RC3H1: variants seen among roughly 807,000 people sequenced by gnomAD.
RC3H1 encodes ring finger and CCCH-type domains 1, also known as roquin-1.
RC3H1 carries 50 observed loss-of-function variants against 138.2 expected under a neutral mutation model. The observed-to-expected ratio is 0.36, with a 90% CI of 0.29 to 0.46. The LOEUF (loss-of-function observed/expected upper bound fraction) is 0.46, where lower values mean the gene tolerates loss of function less well. Ranked by LOEUF, RC3H1 falls within the 20% of genes least tolerant of loss-of-function variation. The pLI is 1.00. For missense variants in RC3H1, 1,031 were observed against 1,388.1 expected, an observed-to-expected ratio of 0.74 and a Z score of 4.09; for synonymous variants, 462 against 489.1, an observed-to-expected ratio of 0.94 and a Z score of 0.73.
intron 1 of RC3H1, among the ~76,000 whole-genome samples, chr1:174,018,638 C>T (rs112430365): frequency 0.019 from 2,868 of 152,282 alleles, 109 homozygotes; most frequent in African/African-American, 0.066. Flanking sequence ...ATCTTGGAGA[C>T]GGTTCTGGGA....
At chr1:174,012,000 G>A (rs6688176) in intron 1 of RC3H1, among the ~76,000 whole-genome samples, 4 of 151,914 alleles carry the variant, frequency 2.6e-5, no homozygotes, top group Non-Finnish European at 5.9e-5. Context: ...AGCTTGAGCC[G>A]AGAAGTTCGA....
rs947799515 is a variant in RC3H1 at position 173,931,622 on chromosome 1, C to G, written c.*7099G>C. ...CTTGTTTTGAAAGCTGCTTAAAAAT[C>G]AGAAATATTAAACAGATTAAAAACA... On this transcript the variant is annotated 3_prime_UTR_variant, in exon 20 of 20. Transcript: ENST00000367696. 2.6e-5 allele frequency: 4 copies of G among 152,098 alleles called. No individual in the cohort carries two copies. The highest frequency in any genetic ancestry group is 7.2e-5 in the African/African-American group (3 of 41,406). The allele number at this position is 152,098 out of a possible 1,614,324, so 9.4% of individuals were successfully genotyped here. A position where few individuals can be genotyped will look rare whatever the true frequency, so the allele number is the denominator to read the frequency against.
At chr1:174,000,419 C>T (rs1254233057) in intron 1 of RC3H1, among the ~76,000 whole-genome samples, 1 of 152,180 alleles carries the variant, frequency 6.6e-6, no homozygotes, top group East Asian at 1.9e-4. Context: ...AGGCACTCCT[C>T]TGAGGCATTA....
At chr1:173,987,633 G>A (rs74989846) in intron 2 of RC3H1, among the ~76,000 whole-genome samples, 2 of 152,228 alleles carry the variant, frequency 1.3e-5, no homozygotes, top group East Asian at 3.9e-4. Context: ...TAGAAACCAA[G>A]ATATGAATGC....
rs184786158 is a variant in RC3H1, at chr1:173,938,844, T to C, written c.3279A>G (p.Thr1093=). The change falls in exon 20 of 20, where the codon ACA becomes ACG. Residue 1093 remains threonine, a synonymous_variant. Coordinates refer to ENST00000367696, the MANE Select transcript of RC3H1 (RefSeq NM_172071.4). ...FSDVPNGSAL[T]QENISLLSNK... The stretch of plus-strand genomic sequence containing the variant: ...TTGATAGGAGGCTGATATTCTCTTG[T>C]GTCAAGGCTGATCCATTTGGTACAT... 2 of 1,612,760 alleles carry C rather than the reference T, an allele frequency of 1.2e-6. No individual in the cohort carries two copies. The highest frequency in any genetic ancestry group is 2.7e-5 in the African/African-American group (2 of 75,006).
At position 173,946,710 on chromosome 1, in the gene RC3H1, C is replaced by A. The variant is rs201868966; in HGVS notation, c.2828+36G>T. 274 of 1,599,060 alleles carry A rather than the reference C, an allele frequency of 1.7e-4. 2 individuals carry two copies. In the South Asian group the frequency reaches 1.8e-3, roughly 10 times the overall value. On this transcript the variant is annotated intron_variant, in intron 16 of 19. Coordinates refer to ENST00000367696, the MANE Select transcript of RC3H1 (RefSeq NM_172071.4). ...AGAAGTTGCCTAATTTTAAAGGTTT[C>A]TACATGTTTGTTCAAGTAAAAAGAA...
At chr1:174,013,699 C>T (rs1049233044) in intron 1 of RC3H1, among the ~76,000 whole-genome samples, 23 of 152,034 alleles carry the variant, frequency 1.5e-4, no homozygotes, top group Middle Eastern at 3.4e-3. Context: ...TCCCAAAGTG[C>T]TGGGATTACA....
chr1:173,994,725 A>C (rs1364350648), intron 1 of RC3H1, among the ~76,000 whole-genome samples: 1 of 147,990 alleles, frequency 6.8e-6, no homozygotes, highest in East Asian at 2.1e-4. Flanking sequence ...TGAGCCCAGG[A>C]GTTTGAGGCT....
At chr1:173,995,941 A>G (rs556254118) in intron 1 of RC3H1, among the ~76,000 whole-genome samples, 1 of 152,370 alleles carries the variant, frequency 6.6e-6, no homozygotes, top group South Asian at 2.1e-4. Flanking sequence ...AAGATTTAAA[A>G]GACCAGAAAT....
chr1:173,983,998 T>C (rs1352626735), intron 3 of RC3H1, among the ~76,000 whole-genome samples: 1 of 152,212 alleles, frequency 6.6e-6, no homozygotes, highest in Non-Finnish European at 1.5e-5. Context: ...AGTTCTGGTA[T>C]ATTATTTGAC....
chr1:173,937,122 A>G lies in RC3H1; in HGVS notation c.*1599T>C, dbSNP rs1658637460. Reference sequence around the variant, plus strand: ...TGGGCAAATTAAATAATTGCTACTCAAAAGAGTGTTCTGTTTGGACTCTCC... The same window carrying G: ...TGGGCAAATTAAATAATTGCTACTCGAAAGAGTGTTCTGTTTGGACTCTCC... On this transcript the variant is annotated 3_prime_UTR_variant, in exon 20 of 20. Transcript: ENST00000367696. The G allele has an allele frequency of 6.6e-6, 1 of 152,432 alleles. No individual in the cohort carries two copies. The allele number at this position is 152,432 out of a possible 1,614,324, so 9.4% of individuals were successfully genotyped here. A position where few individuals can be genotyped will look rare whatever the true frequency, so the allele number is the denominator to read the frequency against.
chr1:173,962,285 T>C (rs544177097), intron 11 of RC3H1, among the ~76,000 whole-genome samples, 190 bp from the exon 12 acceptor site: 21 of 152,318 alleles, frequency 1.4e-4, no homozygotes, highest in Middle Eastern at 3.4e-3. Context: ...GTAAAAGTCA[T>C]TGAAAAAACT....
Position 173,964,105 on chromosome 1 carries a change from G to GAGC in RC3H1, c.1698_1699insGCT (p.Pro566_Pro567insAla). ...TGAAGTGGTTTGGTAACAGGCATTG[G>GAGC]AGGCAGATCTGCTGGCCCCCTTGGA... On this transcript the variant is annotated inframe_insertion, in exon 11 of 20. Coordinates refer to ENST00000367696, the MANE Select transcript of RC3H1 (RefSeq NM_172071.4). 6.2e-7 allele frequency: 1 copy of GAGC among 1,614,138 alleles called. No homozygotes were observed. The highest frequency in any genetic ancestry group is 1.1e-5 in the South Asian group (1 of 91,090).
chr1:174,018,974 A>C (rs1661911211), intron 1 of RC3H1, among the ~76,000 whole-genome samples: 1 of 152,238 alleles, frequency 6.6e-6, no homozygotes, highest in African/African-American at 2.4e-5. Context: ...CTATGGCTTA[A>C]AGAAAAAAAA....
intron 1 of RC3H1, among the ~76,000 whole-genome samples, chr1:174,008,571 T>A (rs1661693887): frequency 6.6e-6 from 1 of 152,182 alleles, no homozygotes; most frequent in Non-Finnish European, 1.5e-5. Flanking sequence ...AACGAAAAAA[T>A]TGCTACATGA....
In RC3H1 at chr1:174,002,195, A is replaced by G. The variant is rs577591163; in HGVS notation, c.-150-9060T>C. Among the ~76,000 whole-genome samples, 13 of 152,288 alleles carry G rather than the reference A, an allele frequency of 8.5e-5. No individual in the cohort carries two copies. In the South Asian group the frequency reaches 2.5e-3, roughly 29 times the overall value. On this transcript the variant is annotated intron_variant, in intron 1 of 19. Transcript: ENST00000367696. ...TGAGGCCAAATATTTTAACAAGACT[A>G]AACAGTTTTCCAGGTCATCTTTTGA...
chr1:174,018,575 C>T (rs917051404), intron 1 of RC3H1, among the ~76,000 whole-genome samples: 4 of 152,168 alleles, frequency 2.6e-5, no homozygotes, highest in Non-Finnish European at 5.9e-5. Context: ...TTATCATAAC[C>T]TCTAAAGCTA....
chr1:173,960,121 A>G (rs1269314940), intron 13 of RC3H1, among the ~76,000 whole-genome samples: 1 of 150,572 alleles, frequency 6.6e-6, no homozygotes, highest in Non-Finnish European at 1.5e-5. Context: ...AAAAAAAAAA[A>G]AAAAAAAAAG....
chr1:174,013,762 A>T (rs1005846034), intron 1 of RC3H1, among the ~76,000 whole-genome samples: 12 of 151,950 alleles, frequency 7.9e-5, no homozygotes, highest in African/African-American at 2.9e-4. Flanking sequence ...CAGTAAAATA[A>T]ATAAACTGTG....
Sources: gnomAD v4.1 joint callset for allele counts (sites outside exome capture counted in the v4.1 genomes callset) on GRCh38, gnomAD v4.1.1 for gene constraint, MANE v1.5 for transcripts, NCBI Gene and HGNC (gene_info 2026-07-23, HGNC 2026-07-21) for gene names.